The following KIF16B variants were observed in gnomAD, a reference collection of about 807,000 sequenced individuals.
KIF16B encodes the protein kinesin family member 16B, also known as kinesin-like protein KIF16B.
Under a neutral mutation model 156.3 loss-of-function variants are expected in KIF16B, and 98 were observed. The ratio of observed to expected loss-of-function variants is 0.63; its 90% confidence interval spans 0.53 to 0.74. The LOEUF is 0.74. KIF16B is among the 30% of genes least tolerant of loss of function. The pLI is 0.00. For missense variants in KIF16B, 1,421 were observed against 1,606.5 expected (o/e 0.88, Z 1.97); for synonymous variants, 564 against 583.7 (o/e 0.97, Z 0.49).
At chr20:16,325,558 GAAAAA>G (rs56094995) in intron 24 of KIF16B, among the ~76,000 whole-genome samples, 21,932 of 145,360 alleles carry the variant, frequency 0.15, 1,692 homozygotes, top group Admixed American at 0.16. Flanking sequence ...TACAATAGCT[GAAAAA>G]AAAAAAAAAC....
intron 17 of KIF16B, among the ~76,000 whole-genome samples, chr20:16,401,469 C>A (rs1416288964): frequency 6.6e-6 from 1 of 152,182 alleles, no homozygotes; most frequent in Non-Finnish European, 1.5e-5. Flanking sequence ...TTTGGAACAT[C>A]CACGCCCAAA....
chr20:16,565,477 C>T (rs943631216), intron 1 of KIF16B, among the ~76,000 whole-genome samples: 15 of 152,330 alleles, frequency 9.8e-5, no homozygotes, highest in Admixed American at 7.2e-4. Context: ...CTGGACCACA[C>T]TTGGAGAATC....
intron 1 of KIF16B, among the ~76,000 whole-genome samples, chr20:16,552,925 C>T (rs2070720203): frequency 6.6e-6 from 1 of 151,926 alleles, no homozygotes; most frequent in African/African-American, 2.4e-5. Context: ...GCCACTACAC[C>T]CAGCTAATTT....
intron 12 of KIF16B, among the ~76,000 whole-genome samples, chr20:16,481,477 TACC>T (rs1413937858): frequency 6.6e-6 from 1 of 152,116 alleles, no homozygotes; most frequent in African/African-American, 2.4e-5. Context: ...AGGCGTGAGC[TACC>T]ACACCTGTCC....
intron 12 of KIF16B, among the ~76,000 whole-genome samples, chr20:16,483,180 C>A (rs2068027112): frequency 6.6e-6 from 1 of 152,126 alleles, no homozygotes; most frequent in Admixed American, 6.5e-5. Context: ...GGGTAGACAG[C>A]CTGAGGAGTA....
At chr20:16,346,604 G>T (rs1473758947) in intron 23 of KIF16B, among the ~76,000 whole-genome samples, 1 of 152,172 alleles carries the variant, frequency 6.6e-6, no homozygotes, top group African/African-American at 2.4e-5. Flanking sequence ...GCAATAACCA[G>T]AAATAATGAC....
intron 12 of KIF16B, among the ~76,000 whole-genome samples, chr20:16,479,718 T>C (rs998550404): frequency 6.6e-6 from 1 of 152,202 alleles, no homozygotes; most frequent in African/African-American, 2.4e-5. Flanking sequence ...CAGTGTTCAA[T>C]AGAGTAACAT....
At chr20:16,374,114 A>G in intron 20 of KIF16B, 143 bp downstream of exon 20, 1 of 772,232 alleles carries the variant, frequency 1.3e-6, no homozygotes. Flanking sequence ...CCAATGGCAG[A>G]TGAAGGCAGA....
Position 16,379,585 on chromosome 20 carries a change from T to G in KIF16B, c.2417A>C (p.Glu806Ala). ...GIRESLLRVK[E>A]ARAGGDEDGE... ...ATCTTCATCCCCTCCGGCACGAGCC[T>G]CCTTCACCCGCAGGAGGGATTCCCG... The change falls in exon 19 of 26, where the codon GAG (glutamate) becomes GCG (alanine). Residue 806 changes from glutamate (E) to alanine (A), a missense_variant. Physicochemically the swap from Glu to Ala is moderately radical, Grantham distance 107 (BLOSUM62 -1). Transcript: ENST00000354981. The G allele has an allele frequency of 6.2e-7, 1 of 1,614,128 alleles. No homozygotes were observed. The highest frequency in any genetic ancestry group is 8.5e-7 in the Non-Finnish European group (1 of 1,180,016).
intron 15 of KIF16B, among the ~76,000 whole-genome samples, chr20:16,418,681 C>T (rs1235874775): frequency 6.6e-6 from 1 of 152,174 alleles, no homozygotes. Context: ...GGACCAAAAA[C>T]TCTATCCTTG....
At chr20:16,542,705 G>A (rs759206151) in intron 1 of KIF16B, among the ~76,000 whole-genome samples, 17 of 152,128 alleles carry the variant, frequency 1.1e-4, no homozygotes, top group South Asian at 2.1e-4. Context: ...AGAGAGAAAC[G>A]GAAACAAAGT....
chr20:16,409,020 G>A (rs1158622892), intron 15 of KIF16B, among the ~76,000 whole-genome samples: 1 of 152,104 alleles, frequency 6.6e-6, no homozygotes, highest in Admixed American at 6.6e-5. Flanking sequence ...CCTTTATGGA[G>A]CTTTAAAAAA....
chr20:16,405,598 G>A (rs948999917), intron 16 of KIF16B, among the ~76,000 whole-genome samples: 6 of 152,132 alleles, frequency 3.9e-5, no homozygotes, highest in African/African-American at 1.4e-4. Context: ...AACACTTCTG[G>A]TATTCAAGTC....
chr20:16,566,164 T>C (rs1265173912), intron 1 of KIF16B, among the ~76,000 whole-genome samples: 1 of 152,254 alleles, frequency 6.6e-6, no homozygotes, highest in Non-Finnish European at 1.5e-5. Flanking sequence ...GGGCTTTGTT[T>C]ATAAGTTTTG....
intron 17 of KIF16B, chr20:16,382,024 G>T: frequency 1.9e-6 from 2 of 1,026,120 alleles, no homozygotes; most frequent in Non-Finnish European, 2.7e-6. Flanking sequence ...AGTTAAACAA[G>T]ACTTCTAAAT....
At chr20:16,463,961 T>C (rs1490646975) in intron 12 of KIF16B, among the ~76,000 whole-genome samples, 1 of 152,184 alleles carries the variant, frequency 6.6e-6, no homozygotes, top group African/African-American at 2.4e-5. Context: ...TCAACTCTTC[T>C]GCCTGAAAAA....
chr20:16,321,225 C>A (rs912382354), intron 24 of KIF16B, among the ~76,000 whole-genome samples: 7 of 151,858 alleles, frequency 4.6e-5, no homozygotes, highest in Non-Finnish European at 2.9e-5. Flanking sequence ...ATAATCTGTT[C>A]CTTTTTTTCT....
intron 12 of KIF16B, among the ~76,000 whole-genome samples, chr20:16,444,840 A>G (rs1296006998): frequency 3.3e-5 from 5 of 152,212 alleles, no homozygotes; most frequent in African/African-American, 1.2e-4. Context: ...AGCTGAGAGA[A>G]AGCACAGACA....
At chr20:16,548,202 G>C (rs1208823888) in intron 1 of KIF16B, among the ~76,000 whole-genome samples, 2 of 152,176 alleles carry the variant, frequency 1.3e-5, no homozygotes, top group East Asian at 3.9e-4. Context: ...CTCAGCCTCT[G>C]TCTACTCATC....
Sources: gnomAD v4.1 joint callset for allele counts (sites outside exome capture counted in the v4.1 genomes callset) on GRCh38, gnomAD v4.1.1 for gene constraint, MANE v1.5 for transcripts, NCBI Gene and HGNC (gene_info 2026-07-23, HGNC 2026-07-21) for gene names.